Variants in TREML1 observed in about 807,000 individuals in gnomAD.
TREML1 encodes triggering receptor expressed on myeloid cells like 1.
In TREML1, 27 loss-of-function variants were observed where a neutral mutation model predicts 22.8. That is an observed-to-expected ratio of 1.19 (90% CI 0.87 to 1.64). The LOEUF is 1.64. TREML1 is among the 40% of genes most tolerant of loss of function. The probability of loss-of-function intolerance (pLI) is 0.00; values close to 1 mark genes in which losing one functional copy is unlikely to be tolerated. For synonymous variants in TREML1, 153 were observed against 161.9 expected, an observed-to-expected ratio of 0.94 and a Z score of 0.42; for missense variants, 356 against 382.0, an observed-to-expected ratio of 0.93 and a Z score of 0.57.
In TREML1 at chr6:41,150,327, C is replaced by A. The variant is rs752319208; in HGVS notation, c.569-14G>T. On this transcript the variant is annotated splice_polypyrimidine_tract_variant and intron_variant, in intron 4 of 5. Coordinates refer to ENST00000426005, the MANE Select transcript of TREML1 (RefSeq NM_178174.4). ...CAAGCCTGTTCCCTGGCAGGACAGA[C>A]AACAGCAGCATAGTCTGCTTCCGGG... 6.2e-7 allele frequency: 1 copy of A among 1,613,720 alleles called. No individual in the cohort carries two copies. Among genetic ancestry groups the A allele is most frequent in the Non-Finnish European group, 8.5e-7 (1 of 1,179,806 alleles).
intron 4 of TREML1, 52 bp downstream of exon 4, chr6:41,150,766 TG>T (rs1239629945): frequency 6.6e-7 from 1 of 1,526,134 alleles, no homozygotes; most frequent in African/African-American, 1.4e-5. Flanking sequence ...TCTGCACAAC[TG>T]GTTGATACTG....
In TREML1 at chr6:41,151,398, A is replaced by C; in HGVS notation, c.377-14T>G. 1 of 1,611,216 alleles carries C rather than the reference A, an allele frequency of 6.2e-7. No individual in the cohort carries two copies. Among genetic ancestry groups the C allele is most frequent in the Non-Finnish European group, 8.5e-7 (1 of 1,177,374 alleles). On this transcript the variant is annotated splice_polypyrimidine_tract_variant and intron_variant, in intron 2 of 5. Coordinates refer to ENST00000426005, the MANE Select transcript of TREML1 (RefSeq NM_178174.4). ...CTTCTTCTTCCTCTGTCAGGCCAGG[A>C]ATGGAGTCAGAAGGAAACATTTAAT...
At chr6:41,149,940 C>G in intron 5 of TREML1, 22 bp from the exon 6 acceptor site, 1 of 1,603,228 alleles carries the variant, frequency 6.2e-7, no homozygotes, top group South Asian at 1.1e-5. Flanking sequence ...GCAGGCAAGT[C>G]AGGAATGCCT....
Position 41,149,613 on chromosome 6 carries a change from T to A in TREML1, c.927A>T (p.Pro309=). 6.2e-7 allele frequency: 1 copy of A among 1,610,678 alleles called. No homozygotes were observed. Among genetic ancestry groups the A allele is most frequent in the Non-Finnish European group, 8.5e-7 (1 of 1,177,558 alleles). ...PAQNPPNNQT[P]SS is the part of the protein sequence containing the mutation. ...AAGTGTGATGAGCAGCTTAGCTGGA[T>A]GGAGTCTGATTGTTAGGTGGATTCT... is the stretch of plus-strand genomic sequence containing the variant. The change falls in exon 6 of 6, where the codon CCA becomes CCT. Residue 309 remains proline, a synonymous_variant. Coordinates refer to ENST00000426005, the MANE Select transcript of TREML1 (RefSeq NM_178174.4).
rs376416970 is a variant in TREML1 at position 41,150,279 on chromosome 6, G to A, written c.603C>T (p.Ser201=). The change falls in exon 5 of 6, where the codon AGC becomes AGT. Residue 201 remains serine, a synonymous_variant. Coordinates refer to ENST00000426005, the MANE Select transcript of TREML1 (RefSeq NM_178174.4). The stretch of plus-strand genomic sequence containing the variant: ...CTCTTACCATGCCTGAAACTCTGCT[G>A]CTCAGGAATCGGCCACAGACACCAA... ...NRLGVCGRFL[S]SRVSGMNPSS... is the part of the protein sequence containing the mutation. The A allele has an allele frequency of 6.3e-5, 101 of 1,613,930 alleles. No individual in the cohort carries two copies. Among genetic ancestry groups the A allele is most frequent in the Non-Finnish European group, 7.8e-5 (92 of 1,179,994 alleles).
At chr6:41,149,973 T>C (rs1002166953) in intron 5 of TREML1, 55 bp from the exon 6 acceptor site, 5 of 1,548,994 alleles carry the variant, frequency 3.2e-6, no homozygotes, top group Non-Finnish European at 4.4e-6. Flanking sequence ...GAACTCCCTT[T>C]GGTGGGAAGC....
At chr6:41,152,235 C>G (rs1448677991) in intron 2 of TREML1, among the ~76,000 whole-genome samples, 3 of 152,192 alleles carry the variant, frequency 2.0e-5, no homozygotes, top group Admixed American at 6.5e-5. Context: ...ACCACCTTCT[C>G]TGAAGCTAAA....
At position 41,153,748 on chromosome 6, in the gene TREML1, G is replaced by C. The variant is rs1284058272; in HGVS notation, c.376+10C>G. On this transcript the variant is annotated intron_variant, in intron 2 of 5. Transcript: ENST00000426005. ...GTCTAAGGGGTGGTAGCTGGCCTAG[G>C]ATAACTCACCTGGGGGCAGTATGTT... 1.3e-6 allele frequency: 2 copies of C among 1,591,840 alleles called. No individual in the cohort carries two copies. The highest frequency in any genetic ancestry group is 1.7e-6 in the Non-Finnish European group (2 of 1,167,400).
In TREML1 at chr6:41,150,115, T is replaced by A. The variant is rs569907606; in HGVS notation, c.621+146A>T. On this transcript the variant is annotated intron_variant, in intron 5 of 5. Coordinates refer to ENST00000426005, the MANE Select transcript of TREML1 (RefSeq NM_178174.4). ...GTGGGATGCCAAGGGAGACCATTAG[T>A]GTCAAGTTTACAGCATTTAGGAAGA... The A allele has an allele frequency of 1.8e-5, 18 of 1,019,264 alleles. No homozygotes were observed. In the East Asian group the frequency reaches 3.9e-4, roughly 22 times the overall value. The allele number at this position is 1,019,264 out of a possible 1,614,324, so 63.1% of individuals were successfully genotyped here. A position where few individuals can be genotyped will look rare whatever the true frequency, so the allele number is the denominator to read the frequency against.
chr6:41,154,039 C>A lies in TREML1; in HGVS notation c.95G>T (p.Ser32Ile). 1.9e-6 allele frequency: 3 copies of A among 1,614,088 alleles called. No individual in the cohort carries two copies. The highest frequency in any genetic ancestry group is 2.5e-6 in the Non-Finnish European group (3 of 1,180,030). The change falls in exon 2 of 6, where the codon AGC becomes ATC. Residue 32 changes from serine to isoleucine, a missense_variant. By Grantham distance (142) the Ser-to-Ile change is moderately radical (BLOSUM62 -2). Coordinates refer to ENST00000426005, the MANE Select transcript of TREML1 (RefSeq NM_178174.4). Reference sequence around the variant, plus strand: ...GTAGTGGCACTGCACCAGAATGGAGCTTCCCACGGGTGCCTGCAGCACCTC... The same window carrying A: ...GTAGTGGCACTGCACCAGAATGGAGATTCCCACGGGTGCCTGCAGCACCTC... ...LPEVLQAPVG[S>I]SILVQCHYRL...
intron 3 of TREML1, 151 bp downstream of exon 3, chr6:41,151,131 A>G (rs1304502695): frequency 1.9e-5 from 14 of 739,076 alleles, no homozygotes; most frequent in Non-Finnish European, 3.3e-5. Flanking sequence ...AGGACAGAGA[A>G]GTATGTATCT....
chr6:41,151,660 A>G (rs1200298588), intron 2 of TREML1: 7 of 459,340 alleles, frequency 1.5e-5, no homozygotes, highest in Non-Finnish European at 2.8e-5. Context: ...TTCCTGCTGC[A>G]TTTCTTCCCT....
intron 2 of TREML1, 58 bp from the exon 3 acceptor site, chr6:41,151,442 G>T (rs1765244582): frequency 6.7e-7 from 1 of 1,502,634 alleles, no homozygotes; most frequent in East Asian, 2.3e-5. Flanking sequence ...GCCCATATGG[G>T]CAGGCTTCAA....
chr6:41,151,639 C>G (rs1363701133), intron 2 of TREML1: 2 of 492,928 alleles, frequency 4.1e-6, no homozygotes, highest in East Asian at 3.6e-5. Flanking sequence ...CTACCACCAG[C>G]TCCCCCCATC....
At chr6:41,154,176 A>G in intron 1 of TREML1, 70 bp downstream of exon 1, 1 of 1,591,840 alleles carries the variant, frequency 6.3e-7, no homozygotes, top group African/African-American at 1.3e-5. Context: ...GGCATTCACA[A>G]TAACACGTTA....
chr6:41,152,308 A>G (rs1439965990), intron 2 of TREML1, among the ~76,000 whole-genome samples: 2 of 152,084 alleles, frequency 1.3e-5, no homozygotes, highest in East Asian at 3.9e-4. Context: ...CTGCCTGAAC[A>G]TCATCCTCCA....
intron 2 of TREML1, among the ~76,000 whole-genome samples, chr6:41,153,011 G>T (rs1243363235): frequency 6.6e-6 from 1 of 151,512 alleles, no homozygotes; most frequent in Non-Finnish European, 1.5e-5. Flanking sequence ...GGCTGTCTGT[G>T]CTTCAGGTAG....
intron 2 of TREML1, 162 bp from the exon 3 acceptor site, chr6:41,151,546 T>C (rs1395166131): frequency 1.6e-6 from 1 of 625,118 alleles, no homozygotes; most frequent in African/African-American, 1.8e-5. Context: ...GGATGTTCTT[T>C]AGGGGCCTGT....
rs559631591 is a variant in TREML1, at chr6:41,151,527, G to A, written c.377-143C>T. On this transcript the variant is annotated intron_variant, in intron 2 of 5. Coordinates refer to ENST00000426005, the MANE Select transcript of TREML1 (RefSeq NM_178174.4). ...GGACCCCAGGAAGAAACACAGAAAGGGGAGGCTGGGATGTTCTTTAGGGGC... is the reference window on the plus strand; with the variant it reads ...GGACCCCAGGAAGAAACACAGAAAGAGGAGGCTGGGATGTTCTTTAGGGGC... The A allele has an allele frequency of 7.1e-5, 48 of 673,244 alleles. No homozygotes were observed. The South Asian group carries it at 7.9e-4, about 11-fold the overall frequency. 41.7% of individuals were successfully genotyped at this position (673,244 alleles called of 1,614,324 possible). A position where few individuals can be genotyped will look rare whatever the true frequency, so the allele number is the denominator to read the frequency against.
Sources: gnomAD v4.1 joint callset for allele counts (sites outside exome capture counted in the v4.1 genomes callset) on GRCh38, gnomAD v4.1.1 for gene constraint, MANE v1.5 for transcripts, NCBI Gene and HGNC (gene_info 2026-07-23, HGNC 2026-07-21) for gene names.